The following ERAP1 variants were observed in gnomAD, a reference collection of about 807,000 sequenced individuals.
ERAP1 encodes endoplasmic reticulum aminopeptidase 1.
ERAP1 carries 86 observed loss-of-function variants against 103.7 expected under a neutral mutation model. The observed-to-expected ratio is 0.83, with a 90% confidence interval of 0.70 to 0.99. The LOEUF (loss-of-function observed/expected upper bound fraction) is 0.99. Among genes scored for constraint, ERAP1 ranks in the 50% least tolerant of loss-of-function variants. The pLI, the probability that ERAP1 is intolerant of heterozygous loss-of-function variation, is 0.00. For synonymous variants in ERAP1, 398 were observed against 402.4 expected (o/e 0.99, Z 0.13); for missense variants, 1,009 against 1,128.4 (o/e 0.89, Z 1.52).
chr5:96,910,773 T>C, the ERAP1 span, among the ~76,000 whole-genome samples: 1 of 152,234 alleles, frequency 6.6e-6, no homozygotes, highest in Non-Finnish European at 1.5e-5. Context: ...CTAGTATGAA[T>C]TTTAATGAAG....
the ERAP1 span, chr5:96,915,557 T>C: frequency 7.6e-3 from 3,330 of 437,098 alleles, 30 homozygotes; most frequent in South Asian, 0.025. Context: ...ATTATGGTAA[T>C]TCACCGTATC....
chr5:96,786,016 T>G (rs745456275), intron 12 of ERAP1, 45 bp from the exon 13 acceptor site: 6 of 1,576,548 alleles, frequency 3.8e-6, no homozygotes, highest in Non-Finnish European at 5.2e-6. Context: ...CTCCCCTGCC[T>G]GAAGAAAGCT....
At chr5:96,923,757 CTTTTA>C in the ERAP1 span, among the ~76,000 whole-genome samples, 1 of 151,300 alleles carries the variant, frequency 6.6e-6, no homozygotes, top group Non-Finnish European at 1.5e-5. Flanking sequence ...GTTGCCTTTT[CTTTTA>C]TAATTTCACC....
At chr5:96,822,433 A>G in the ERAP1 span, among the ~76,000 whole-genome samples, 2 of 152,176 alleles carry the variant, frequency 1.3e-5, no homozygotes, top group African/African-American at 4.8e-5. Context: ...CTCAGGAACA[A>G]AGGTGGTCCC....
At chr5:96,855,608 C>A in the ERAP1 span, among the ~76,000 whole-genome samples, 1 of 152,186 alleles carries the variant, frequency 6.6e-6, no homozygotes, top group South Asian at 2.1e-4. Context: ...AAACCAGGAA[C>A]TTTGCTCCAA....
the ERAP1 span, among the ~76,000 whole-genome samples, chr5:96,856,803 A>G: frequency 6.6e-6 from 1 of 152,150 alleles, no homozygotes. Flanking sequence ...TCAAATTGGC[A>G]CTGTTGGCTT....
chr5:96,819,379 T>C, the ERAP1 span, among the ~76,000 whole-genome samples: 1 of 152,174 alleles, frequency 6.6e-6, no homozygotes, highest in Non-Finnish European at 1.5e-5. Flanking sequence ...CAGACAATCA[T>C]CAGCGGTGTA....
chr5:96,766,203 C>T lies in ERAP1; in HGVS notation c.2819-2975G>A, dbSNP rs536860924. ...TGCTACCAAGATCTTTAAATTCAAA[C>T]CTCCCTTGAAATAAATAGTAGCTAT... On this transcript the variant is annotated intron_variant, in intron 19 of 19. Coordinates refer to the ERAP1 transcript ENST00000296754. 6.1e-4 allele frequency: 582 copies of T among 951,280 alleles called. 2 individuals are homozygous for T. Among genetic ancestry groups the T allele is most frequent in the Middle Eastern group, 4.5e-3 (21 of 4,680 alleles). The allele number at this position is 951,280 out of a possible 1,614,324, so 58.9% of individuals were successfully genotyped here. A position where few individuals can be genotyped will look rare whatever the true frequency, so the allele number is the denominator to read the frequency against.
At position 96,776,360 on chromosome 5, in the gene ERAP1, A is replaced by T. The variant is rs1774297542; in HGVS notation, c.*36T>A. The T allele has an allele frequency of 6.3e-7, 1 of 1,588,990 alleles. No individual in the cohort carries two copies. The highest frequency in any genetic ancestry group is 8.6e-7 in the Non-Finnish European group (1 of 1,167,400). ...AAATACACTCAACAAAATGTTGGTG[A>T]TTAGAGATAACAGGAACCTGGCAAG... On this transcript the variant is annotated 3_prime_UTR_variant, in exon 19 of 19. Coordinates refer to ENST00000443439, the MANE Select transcript of ERAP1 (RefSeq NM_001040458.3).
the ERAP1 span, among the ~76,000 whole-genome samples, chr5:96,842,075 A>C: frequency 6.6e-6 from 1 of 152,160 alleles, no homozygotes; most frequent in Non-Finnish European, 1.5e-5. Flanking sequence ...ACTTAGAATA[A>C]TGGCCTCCAA....
At chr5:96,929,494 TTTC>T in the ERAP1 span, among the ~76,000 whole-genome samples, 1 of 151,872 alleles carries the variant, frequency 6.6e-6, no homozygotes, top group African/African-American at 2.4e-5. Context: ...CCTTCCTTTC[TTTC>T]TTCTTGAGAC....
At chr5:96,858,723 C>A in the ERAP1 span, among the ~76,000 whole-genome samples, 3 of 152,138 alleles carry the variant, frequency 2.0e-5, no homozygotes, top group Admixed American at 6.5e-5. Context: ...TACCTGCTGC[C>A]TTTATAGAGC....
chr5:96,818,437 T>C, the ERAP1 span, among the ~76,000 whole-genome samples: 1 of 152,046 alleles, frequency 6.6e-6, no homozygotes, highest in African/African-American at 2.4e-5. Context: ...TTTTTTTTTT[T>C]TTTTCCTTTA....
chr5:96,930,219 T>C, the ERAP1 span, among the ~76,000 whole-genome samples: 388 of 152,310 alleles, frequency 2.5e-3, 6 homozygotes, highest in Admixed American at 0.022. Context: ...GTTTTTTGCC[T>C]GATAAGAGAT....
chr5:96,909,133 A>T, the ERAP1 span: 8 of 1,612,232 alleles, frequency 5.0e-6, no homozygotes, highest in Non-Finnish European at 6.8e-6. Context: ...TGTTGCTTTT[A>T]GAAAATGTAT....
chr5:96,893,975 G>A, the ERAP1 span, among the ~76,000 whole-genome samples: 8 of 152,124 alleles, frequency 5.3e-5, no homozygotes, highest in Admixed American at 2.0e-4. Context: ...ACAAGGCTCA[G>A]GAAATGAACA....
At chr5:96,762,824 T>C (rs1768465524) in exon 20 of ERAP1, 2 of 284,292 alleles carry the variant, frequency 7.0e-6, no homozygotes, top group African/African-American at 4.4e-5. Context: ...ACAAACGTCA[T>C]GGAATAGCAT....
At chr5:96,902,988 A>AT in the ERAP1 span, among the ~76,000 whole-genome samples, 1 of 152,238 alleles carries the variant, frequency 6.6e-6, no homozygotes. Flanking sequence ...TAAAATGAAC[A>AT]AATGGATCAC....
chr5:96,795,023 A>G lies in ERAP1; in HGVS notation c.919+19T>C. On this transcript the variant is annotated intron_variant, in intron 5 of 18. Transcript: ENST00000443439. ...GTGTTCATCAAATGTCATGTGTAAT[A>G]TCTGTGCAAAATCTCTACCTTGTTT... 1.9e-6 allele frequency: 3 copies of G among 1,613,648 alleles called. No individual in the cohort carries two copies. Among genetic ancestry groups the G allele is most frequent in the Non-Finnish European group, 2.5e-6 (3 of 1,179,756 alleles).
Sources: allele counts gnomAD v4.1 joint callset (sites outside exome capture counted in the v4.1 genomes callset), GRCh38; gene constraint gnomAD v4.1.1; transcripts MANE v1.5; gene names NCBI Gene and HGNC (gene_info 2026-07-23, HGNC 2026-07-21).